Variants in INPP5D observed in about 807,000 individuals in gnomAD.
INPP5D encodes inositol polyphosphate-5-phosphatase D.
In INPP5D, 33 loss-of-function variants were observed where a neutral mutation model predicts 122.9. The observed-to-expected ratio is 0.27, with a 90% confidence interval of 0.20 to 0.36. The LOEUF (loss-of-function observed/expected upper bound fraction) is 0.36. INPP5D is among the 10% of genes least tolerant of loss of function. The pLI, the probability that INPP5D is intolerant of heterozygous loss-of-function variation, is 1.00. For missense variants in INPP5D, 1,053 were observed against 1,412.7 expected (o/e 0.75, Z 4.08); for synonymous variants, 584 against 576.2 (o/e 1.01, Z -0.19).
At chr2:233,190,148 T>C (rs1486159494) in intron 22 of INPP5D, among the ~76,000 whole-genome samples, 2 of 152,194 alleles carry the variant, frequency 1.3e-5, no homozygotes, top group Non-Finnish European at 2.9e-5. Context: ...GGCAACCCCT[T>C]CCATGTATTG....
At chr2:233,074,837 TA>T (rs1024828935) in intron 1 of INPP5D, among the ~76,000 whole-genome samples, 1 of 152,222 alleles carries the variant, frequency 6.6e-6, no homozygotes, top group Admixed American at 6.5e-5. Flanking sequence ...TCTTGAATTT[TA>T]TAGTTGGATT....
At position 233,177,220 on chromosome 2, in the gene INPP5D, T is replaced by C. The variant is rs763643274; in HGVS notation, c.1990-45T>C. 1.2e-6 allele frequency: 2 copies of C among 1,611,394 alleles called. No homozygotes were observed. The highest frequency in any genetic ancestry group is 2.7e-5 in the African/African-American group (2 of 74,794). On this transcript the variant is annotated intron_variant, in intron 17 of 26. Coordinates refer to ENST00000445964, the MANE Select transcript of INPP5D (RefSeq NM_001017915.3). The surrounding 1 kb of genome is among the most constrained non-coding windows in gnomAD (Gnocchi z 4.2). ...TCTGTTCTTTTACTGATTAAAAAAATAATAATAAGAGGCATTTTTTAAAGC... is the reference window on the plus strand; with the variant it reads ...TCTGTTCTTTTACTGATTAAAAAAACAATAATAAGAGGCATTTTTTAAAGC...
chr2:233,079,215 C>A, intron 1 of INPP5D, 120 bp from the exon 2 acceptor site: 2 of 690,540 alleles, frequency 2.9e-6, no homozygotes, highest in South Asian at 1.6e-5. Context: ...CGGTCAGCTC[C>A]GAAATTCGGA....
At chr2:233,085,215 G>A (rs1012957368) in intron 2 of INPP5D, among the ~76,000 whole-genome samples, 24 of 151,928 alleles carry the variant, frequency 1.6e-4, no homozygotes, top group African/African-American at 4.6e-4. Flanking sequence ...GTGAAACCCC[G>A]TCTCTACTAA....
At chr2:233,178,164 C>A (rs1296373905) in intron 18 of INPP5D, among the ~76,000 whole-genome samples, 1 of 152,080 alleles carries the variant, frequency 6.6e-6, no homozygotes, top group Non-Finnish European at 1.5e-5. Context: ...AGGCACTGTG[C>A]CACGTACCTA....
At chr2:233,176,154 G>A (rs1694619505) in intron 17 of INPP5D, among the ~76,000 whole-genome samples, 2 of 152,192 alleles carry the variant, frequency 1.3e-5, no homozygotes, top group South Asian at 2.1e-4. Flanking sequence ...GGTTGTTATT[G>A]CCAGTTTACC....
chr2:233,199,701 C>G (rs1366670454), intron 25 of INPP5D, among the ~76,000 whole-genome samples: 2 of 151,136 alleles, frequency 1.3e-5, no homozygotes, highest in African/African-American at 4.9e-5. Context: ...TGCTGGCACG[C>G]ACCTGTAGTC....
In INPP5D at chr2:233,137,847, AAAAAAAATATATATATATATATATATAT is replaced by A. The variant is rs1339516376; in HGVS notation, c.666-1993_666-1966del. On this transcript the variant is annotated intron_variant, in intron 5 of 26. Transcript: ENST00000445964. ...AACTCCATCACAAAAAAAAAAAAAA[AAAAAAAATATATATATATATATATATAT>A]ATATATATATATATATATATATACA... Among the ~76,000 whole-genome samples the A allele has an allele frequency of 1.3e-3, 21 of 15,910 alleles. 1 individual carries two copies. The highest frequency in any genetic ancestry group is 3.5e-3 in the African/African-American group (21 of 6,024). 10.4% of individuals were successfully genotyped at this position (15,910 alleles called of 152,430 possible).
At chr2:233,156,429 A>T (rs1352672667) in intron 9 of INPP5D, among the ~76,000 whole-genome samples, 1 of 152,218 alleles carries the variant, frequency 6.6e-6, no homozygotes. Flanking sequence ...GGCTGGGACT[A>T]CAGGTGCCCG....
At position 233,164,645 on chromosome 2, in the gene INPP5D, T is replaced by A. The variant is rs1574778138; in HGVS notation, c.1555+221T>A. On this transcript the variant is annotated intron_variant, in intron 13 of 26. Coordinates refer to ENST00000445964, the MANE Select transcript of INPP5D (RefSeq NM_001017915.3). This position sits in a 1 kb window ranked among gnomAD's most constrained non-coding sequence, Gnocchi z 4.3. ...CCCAGGGATCTAGCTAAAATGCAGG[T>A]TCCGACCCAGTAGATCTTGGGTGGA... Among the ~76,000 whole-genome samples, 1 of 152,202 alleles carries A rather than the reference T, an allele frequency of 6.6e-6. No individual in the cohort carries two copies. Among genetic ancestry groups the A allele is most frequent in the African/African-American group, 2.4e-5 (1 of 41,464 alleles).
chr2:233,121,110 TTTCTTTCTTTC>T (rs1692957432), intron 2 of INPP5D, among the ~76,000 whole-genome samples: 1 of 137,680 alleles, frequency 7.3e-6, no homozygotes, highest in African/African-American at 2.7e-5. Flanking sequence ...TCTTTCTTTC[TTTCTTTCTTTC>T]TTTTTTTTTT....
chr2:233,127,511 C>T (rs1301518947), intron 4 of INPP5D, among the ~76,000 whole-genome samples: 2 of 152,340 alleles, frequency 1.3e-5, no homozygotes, highest in South Asian at 2.1e-4. Context: ...AATCAGATCT[C>T]ATCAGTTAGG....
At chr2:233,063,835 C>T (rs1023482776) in intron 1 of INPP5D, among the ~76,000 whole-genome samples, 1 of 152,268 alleles carries the variant, frequency 6.6e-6, no homozygotes. Context: ...ACCTGGTCCC[C>T]ACTCAAATCC....
At chr2:233,060,727 C>A in intron 1 of INPP5D, 115 bp downstream of exon 1, 1 of 1,349,698 alleles carries the variant, frequency 7.4e-7, no homozygotes, top group East Asian at 2.3e-5. Flanking sequence ...GACATGCACA[C>A]TTCCCCGCCA....
rs550948282 is a variant in INPP5D, at chr2:233,204,455, G to C, written c.3305G>C (p.Ser1102Thr). ...GGCAGGGCGGCCGGCGGGGACAAGA[G>C]CCAAGGGAAGCCCAAGACCCCGGTC... ...AEGRAAGGDK[S>T]QGKPKTPVSS... The change falls in exon 26 of 27, where the codon AGC (serine) becomes ACC (threonine). Residue 1102 changes from serine to threonine, a missense_variant. Physicochemically the swap from Ser to Thr is moderately conservative, Grantham distance 58. Transcript: ENST00000445964. The C allele has an allele frequency of 6.3e-6, 10 of 1,596,522 alleles. No individual in the cohort carries two copies. The African/African-American group carries it at 1.1e-4, about 17-fold the overall frequency.
chr2:233,197,469 A>C lies in INPP5D; in HGVS notation c.2694-626A>C, dbSNP rs1207639501. 6.6e-6 allele frequency among the ~76,000 whole-genome samples: 1 copy of C among 150,420 alleles called. No individual in the cohort carries two copies. Among genetic ancestry groups the C allele is most frequent in the African/African-American group, 2.5e-5 (1 of 40,800 alleles). ...TCCCCTCCTTCCTGCCACCCAGGCT[A>C]CCCCCCCACCATCTCTCTGCCCTGC... On this transcript the variant is annotated intron_variant, in intron 24 of 26. Coordinates refer to ENST00000445964, the MANE Select transcript of INPP5D (RefSeq NM_001017915.3). The surrounding 1 kb of genome is among the most constrained non-coding windows in gnomAD (Gnocchi z 4.4).
intron 2 of INPP5D, among the ~76,000 whole-genome samples, chr2:233,090,185 T>C (rs1171192181): frequency 6.6e-6 from 1 of 152,220 alleles, no homozygotes; most frequent in Admixed American, 6.5e-5. Flanking sequence ...AGGCTTCTAT[T>C]GACCACTCAG....
At chr2:233,157,277 G>C (rs36145835) in intron 9 of INPP5D, among the ~76,000 whole-genome samples, 1 of 151,914 alleles carries the variant, frequency 6.6e-6, no homozygotes, top group Non-Finnish European at 1.5e-5. Flanking sequence ...TATGAAGTAA[G>C]GCCCCAAGGT....
intron 17 of INPP5D, among the ~76,000 whole-genome samples, chr2:233,173,619 C>T (rs181592137): frequency 4.6e-5 from 7 of 151,886 alleles, no homozygotes; most frequent in Admixed American, 3.3e-4. Flanking sequence ...CTCTCATTTA[C>T]ATTGACTTTT....
Sources: allele counts gnomAD v4.1 joint callset (sites outside exome capture counted in the v4.1 genomes callset), GRCh38; gene constraint gnomAD v4.1.1; non-coding constraint Gnocchi (gnomAD v3.1); transcripts MANE v1.5; gene names NCBI Gene and HGNC (gene_info 2026-07-23, HGNC 2026-07-21).